SERPINA12: variants seen among roughly 807,000 people sequenced by gnomAD.
The protein encoded by SERPINA12 is serpin family A member 12.
SERPINA12 carries 21 observed loss-of-function variants against 25.9 expected under a neutral mutation model. The observed-to-expected ratio is 0.81, with a 90% CI of 0.58 to 1.17. The LOEUF is 1.17. Among genes scored for constraint, SERPINA12 ranks in the 50% most tolerant of loss-of-function variants. The pLI is 0.00. For synonymous variants in SERPINA12, 220 were observed against 196.0 expected, an observed-to-expected ratio of 1.12 and a Z score of -1.02; for missense variants, 562 against 508.3, an observed-to-expected ratio of 1.11 and a Z score of -1.02.
chr14:94,492,104 G>A (rs1239580447), intron 3 of SERPINA12, among the ~76,000 whole-genome samples: 1 of 152,132 alleles, frequency 6.6e-6, no homozygotes, highest in African/African-American at 2.4e-5. Context: ...CAAATGAAGA[G>A]TGCCTTAAGG....
In SERPINA12 at chr14:94,495,060, C is replaced by CTTTA. The variant is rs1427863532; in HGVS notation, c.905+1312_905+1313insTAAA. On this transcript the variant is annotated intron_variant, in intron 3 of 4. Coordinates refer to ENST00000677451, the MANE Select transcript of SERPINA12 (RefSeq NM_001382267.1). The stretch of plus-strand genomic sequence containing the variant: ...GGAAGCATTCGGAATCAGAATTTCC[C>CTTTA]TTTCTTTTTTTTTTTTTTTTTTTTT... Among the ~76,000 whole-genome samples, 112 of 127,472 alleles carry CTTTA rather than the reference C, an allele frequency of 8.8e-4. 5 individuals carry two copies. The highest frequency in any genetic ancestry group is 3.9e-3 in the African/African-American group (109 of 28,196). 83.6% of individuals were successfully genotyped at this position (127,472 alleles called of 152,430 possible).
chr14:94,491,642 C>T (rs913385131), intron 3 of SERPINA12, among the ~76,000 whole-genome samples: 1 of 151,882 alleles, frequency 6.6e-6, no homozygotes, highest in African/African-American at 2.4e-5. Context: ...AAAGGAGTTT[C>T]CTGACAGACT....
intron 2 of SERPINA12, among the ~76,000 whole-genome samples, chr14:94,515,665 G>A (rs927452194): frequency 4.7e-5 from 7 of 149,526 alleles, no homozygotes; most frequent in African/African-American, 1.7e-4. Flanking sequence ...TGCAGATGCA[G>A]GCAAGCAGTG....
intron 1 of SERPINA12, among the ~76,000 whole-genome samples, chr14:94,507,421 G>C (rs1164699857): frequency 3.3e-5 from 5 of 152,208 alleles, no homozygotes; most frequent in Admixed American, 2.0e-4. Flanking sequence ...ACAAAGGCAA[G>C]TCACAAGCTG....
At chr14:94,510,786 C>G (rs932178846), upstream of SERPINA12, among the ~76,000 whole-genome samples, 1 of 152,156 alleles carries the variant, frequency 6.6e-6, no homozygotes, top group Non-Finnish European at 1.5e-5. Context: ...AAATAATGTC[C>G]TTTACAGCAA....
In SERPINA12 at chr14:94,487,469, A is replaced by C; in HGVS notation, c.1079T>G (p.Met360Arg). Residue 360 changes from methionine (M) to arginine (R), a missense_variant, in exon 5 of 5, where the codon ATG becomes AGG. By Grantham distance (91) the Met-to-Arg change is moderately conservative. Transcript: ENST00000677451. ...GGCCCCTTCCGTACCCCTCTCATCC[A>C]TCTTCAGCTCAGCCTTGTGCACAGC... ...GEAVHKAELK[M>R]DERGTEGAAG... is the part of the protein sequence containing the mutation. 6.2e-7 allele frequency: 1 copy of C among 1,613,534 alleles called. No homozygotes were observed. The highest frequency in any genetic ancestry group is 8.5e-7 in the Non-Finnish European group (1 of 1,179,798).
chr14:94,512,714 T>C (rs1284793991), upstream of SERPINA12, among the ~76,000 whole-genome samples: 1 of 152,144 alleles, frequency 6.6e-6, no homozygotes, highest in African/African-American at 2.4e-5. Context: ...AATCAAATGT[T>C]AAGGATGGCT....
At chr14:94,496,047 C>T (rs1269504463) in intron 3 of SERPINA12, among the ~76,000 whole-genome samples, 1 of 152,116 alleles carries the variant, frequency 6.6e-6, no homozygotes, top group African/African-American at 2.4e-5. Context: ...CTTGCAGTTT[C>T]CTTTGCTCCT....
At chr14:94,501,305 G>A (rs978010723) in intron 1 of SERPINA12, among the ~76,000 whole-genome samples, 1 of 152,136 alleles carries the variant, frequency 6.6e-6, no homozygotes, top group Admixed American at 6.5e-5. Flanking sequence ...TCTCAGCAGC[G>A]GTGAAACCAG....
At chr14:94,496,975 A>G (rs1458505480) in intron 2 of SERPINA12, among the ~76,000 whole-genome samples, 2 of 152,202 alleles carry the variant, frequency 1.3e-5, no homozygotes, top group African/African-American at 4.8e-5. Flanking sequence ...GGGCTAATTG[A>G]GTCTGATGTG....
At chr14:94,499,154 G>C (rs1900602412) in intron 1 of SERPINA12, among the ~76,000 whole-genome samples, 1 of 152,174 alleles carries the variant, frequency 6.6e-6, no homozygotes, top group African/African-American at 2.4e-5. Context: ...AATTTACAGA[G>C]ATCAAGCTCT....
intron 1 of SERPINA12, among the ~76,000 whole-genome samples, chr14:94,502,493 C>T (rs780563096): frequency 1.3e-5 from 2 of 152,152 alleles, no homozygotes; most frequent in African/African-American, 4.8e-5. Context: ...CAAAGCGCTT[C>T]CCCCGTTATC....
chr14:94,516,545 CA>C (rs1484400892), intron 1 of SERPINA12, among the ~76,000 whole-genome samples: 1 of 152,172 alleles, frequency 6.6e-6, no homozygotes, highest in African/African-American at 2.4e-5. Flanking sequence ...CAGCGCCTAG[CA>C]CCCCACACCA....
chr14:94,510,181 C>T, upstream of SERPINA12: 1 of 985,418 alleles, frequency 1.0e-6, no homozygotes, highest in Non-Finnish European at 1.2e-6. Context: ...CAATAGGAGA[C>T]TGCATTGGAT....
chr14:94,513,139 A>G (rs1412560813), upstream of SERPINA12, among the ~76,000 whole-genome samples: 1 of 152,230 alleles, frequency 6.6e-6, no homozygotes, highest in Non-Finnish European at 1.5e-5. Flanking sequence ...TTTTCCTTCC[A>G]GGATAAGCGA....
intron 1 of SERPINA12, among the ~76,000 whole-genome samples, chr14:94,501,841 C>T (rs1033029931): frequency 2.0e-5 from 3 of 152,116 alleles, no homozygotes; most frequent in Non-Finnish European, 1.5e-5. Context: ...AGCCCCATTC[C>T]GGGCCTTTCC....
intron 1 of SERPINA12, chr14:94,503,925 T>A (rs1041371942): frequency 6.6e-6 from 1 of 152,214 alleles, no homozygotes; most frequent in Admixed American, 6.5e-5. Flanking sequence ...AGAAAAGCAC[T>A]GGGCAGTAGA....
At chr14:94,489,570 G>C in intron 4 of SERPINA12, 50 bp downstream of exon 4, 1 of 1,592,646 alleles carries the variant, frequency 6.3e-7, no homozygotes, top group Non-Finnish European at 8.6e-7. Flanking sequence ...CCCCGGCTGG[G>C]GGAAGGCCCC....
chr14:94,511,546 A>C, upstream of SERPINA12: 1 of 985,400 alleles, frequency 1.0e-6, no homozygotes, highest in Admixed American at 6.1e-5. Flanking sequence ...GGCTCACTCT[A>C]GTATTTGTCG....
Sources: allele counts gnomAD v4.1 joint callset (sites outside exome capture counted in the v4.1 genomes callset), GRCh38; gene constraint gnomAD v4.1.1; transcripts MANE v1.5; gene names NCBI Gene and HGNC (gene_info 2026-07-23, HGNC 2026-07-21).